Variants in ALLC observed in about 807,000 individuals in gnomAD.
ALLC encodes allantoicase.
ALLC carries 40 observed loss-of-function variants against 45.0 expected under a neutral mutation model. The ratio of observed to expected loss-of-function variants is 0.89; its 90% confidence interval spans 0.69 to 1.16. ALLC has a LOEUF of 1.16. Ranked by LOEUF, ALLC falls within the 50% of genes most tolerant of loss-of-function variation. The pLI is 0.00. For synonymous variants in ALLC, 176 were observed against 178.1 expected, an observed-to-expected ratio of 0.99 and a Z score of 0.09; for missense variants, 488 against 493.1, an observed-to-expected ratio of 0.99 and a Z score of 0.10.
At chr2:3,647,203 C>T in the ALLC span, among the ~76,000 whole-genome samples, 1 of 152,112 alleles carries the variant, frequency 6.6e-6, no homozygotes, top group African/African-American at 2.4e-5. Flanking sequence ...ATGTTCAACG[C>T]GACACACACA....
intron 1 of ALLC, among the ~76,000 whole-genome samples, chr2:3,662,910 G>T (rs550903749): frequency 5.9e-5 from 9 of 152,164 alleles, no homozygotes; most frequent in African/African-American, 1.9e-4. Flanking sequence ...ATTACTGGGG[G>T]GCCTGGCAAT....
rs753639446 is a variant in ALLC at position 3,683,039 on chromosome 2, A to C, written c.476A>C (p.Gln159Pro). 1.9e-6 allele frequency: 3 copies of C among 1,613,920 alleles called. No homozygotes were observed. The highest frequency in any genetic ancestry group is 2.5e-6 in the Non-Finnish European group (3 of 1,179,886). ...AACTATTTTCTTGTCAATTCCCAGC[A>C]GAGATGGACTCATATCAGACTCAAC... ...GHNYFLVNSQ[Q>P]RWTHIRLNIF... is the part of the protein sequence containing the mutation. The change falls in exon 7 of 12, where the codon CAG becomes CCG. Residue 159 changes from glutamine (Q) to proline (P), a missense_variant. Gln to Pro is a moderately conservative substitution (Grantham distance 76, BLOSUM62 -1). Transcript: ENST00000252505.
In ALLC at chr2:3,697,609, C is replaced by CTCTGTCTGTCTGTCTG. The variant is rs757923260; in HGVS notation, c.850+168_850+169insGTCTGTCTGTCTGTCT. ...GAGCATGCTACTTTAACCCTTAGAA[C>CTCTGTCTGTCTGTCTG]TCTGTCTGTCTGTCTATCTATCTAT... On this transcript the variant is annotated intron_variant, in intron 10 of 11. Coordinates refer to ENST00000252505, the MANE Select transcript of ALLC (RefSeq NM_018436.4). Among the ~76,000 whole-genome samples the CTCTGTCTGTCTGTCTG allele has an allele frequency of 5.8e-3, 856 of 146,986 alleles. 7 individuals carry two copies. The highest frequency in any genetic ancestry group is 0.02 in the African/African-American group (775 of 38,642).
rs189959430 is a variant in ALLC at position 3,674,288 on chromosome 2, A to C, written c.84+163A>C. On this transcript the variant is annotated intron_variant, in intron 3 of 11. Transcript: ENST00000252505. ...AAGACATGCAAATCAGCATGAACTC[A>C]TGCCAAAACATAGCAGAGACAGGGA... Among the ~76,000 whole-genome samples, 5 of 152,382 alleles carry C rather than the reference A, an allele frequency of 3.3e-5. No homozygotes were observed. In the East Asian group the frequency reaches 9.6e-4, roughly 29 times the overall value.
chr2:3,697,582 T>C, intron 10 of ALLC, 126 bp downstream of exon 10: 1 of 671,100 alleles, frequency 1.5e-6, no homozygotes, highest in South Asian at 1.9e-5. Context: ...CTGTGTAATT[T>C]TGAGCATGCT....
chr2:3,667,947 T>C (rs145599360), intron 1 of ALLC, among the ~76,000 whole-genome samples: 1 of 152,298 alleles, frequency 6.6e-6, no homozygotes, highest in African/African-American at 2.4e-5. Context: ...GTATATTCAG[T>C]AGAGATGGGG....
intron 1 of ALLC, among the ~76,000 whole-genome samples, chr2:3,664,560 C>T (rs1666648081): frequency 6.6e-6 from 1 of 151,964 alleles, no homozygotes; most frequent in South Asian, 2.1e-4. Flanking sequence ...AATTTTTCAC[C>T]CCAAGTTAAA....
At position 3,699,609 on chromosome 2, in the gene ALLC, A is replaced by G. The variant is rs561344968; in HGVS notation, c.851-1903A>G. 5.5e-4 allele frequency among the ~76,000 whole-genome samples: 84 copies of G among 152,154 alleles called. 1 individual carries two copies. Among genetic ancestry groups the G allele is most frequent in the Admixed American group, 1.1e-3 (17 of 15,286 alleles). Reference sequence around the variant, plus strand: ...TTCCACAATGGCTGAACTAATTTACACTCCCACCAGCAGGGTATATATGTT... The same window carrying G: ...TTCCACAATGGCTGAACTAATTTACGCTCCCACCAGCAGGGTATATATGTT... On this transcript the variant is annotated intron_variant, in intron 10 of 11. Transcript: ENST00000252505.
chr2:3,690,105 T>C (rs1390967460), intron 7 of ALLC, among the ~76,000 whole-genome samples: 2 of 149,208 alleles, frequency 1.3e-5, no homozygotes, highest in East Asian at 2.0e-4. Flanking sequence ...GGGTTTCTTG[T>C]AGGCAGCATA....
In ALLC at chr2:3,683,714, T is replaced by C. The variant is rs1425378282; in HGVS notation, c.511+640T>C. ...TTCAAGATTCATCCATGTTGTAACA[T>C]GTATTAACACTTTCTTTCTTTTTGT... is the stretch of plus-strand genomic sequence containing the variant. On this transcript the variant is annotated intron_variant, in intron 7 of 11. Transcript: ENST00000252505. Among the ~76,000 whole-genome samples the C allele has an allele frequency of 6.6e-5, 10 of 152,354 alleles. No individual in the cohort carries two copies. The South Asian group carries it at 2.1e-3, about 32-fold the overall frequency.
At chr2:3,652,655 T>C in the ALLC span, among the ~76,000 whole-genome samples, 1 of 147,776 alleles carries the variant, frequency 6.8e-6, no homozygotes, top group African/African-American at 2.5e-5. Flanking sequence ...AGTGGCGTGA[T>C]CTCGGCTCAC....
At chr2:3,655,850 C>T (rs1666425727), upstream of ALLC, among the ~76,000 whole-genome samples, 1 of 152,242 alleles carries the variant, frequency 6.6e-6, no homozygotes, top group African/African-American at 2.4e-5. Context: ...TAAGACAAGC[C>T]TCGAGCATTG....
intron 11 of ALLC, among the ~76,000 whole-genome samples, chr2:3,702,089 T>G (rs984042481): frequency 3.9e-5 from 6 of 152,272 alleles, no homozygotes; most frequent in East Asian, 3.9e-4. Flanking sequence ...CATTTTCTTA[T>G]CAATTTGCTT....
At chr2:3,682,873 AG>A in intron 6 of ALLC, 68 bp from the exon 7 acceptor site, 1 of 1,518,726 alleles carries the variant, frequency 6.6e-7, no homozygotes, top group Non-Finnish European at 9.0e-7. Context: ...TAAGTGCCAC[AG>A]AGGCAATAGG....
Position 3,678,493 on chromosome 2 carries a change from A to C in ALLC, c.110A>C (p.His37Pro), listed in dbSNP as rs115017990. 4.0e-3 allele frequency: 6,471 copies of C among 1,614,034 alleles called. 16 individuals carry two copies. The highest frequency in any genetic ancestry group is 5.1e-3 in the Admixed American group (304 of 60,036). ...IKSDSPCFKE[H>P]EYTEFGKWMD... ...AGTGACAGCCCGTGCTTCAAAGAGC[A>C]TGAATATACGGAGTTTGGGAAATGG... The change falls in exon 4 of 12, where the codon CAT (histidine) becomes CCT (proline). Residue 37 changes from histidine to proline, a missense_variant. His to Pro is a moderately conservative substitution (Grantham distance 77). Coordinates refer to ENST00000252505, the MANE Select transcript of ALLC (RefSeq NM_018436.4).
At chr2:3,682,378 A>G (rs1218989777) in intron 6 of ALLC, among the ~76,000 whole-genome samples, 1 of 152,144 alleles carries the variant, frequency 6.6e-6, no homozygotes, top group Non-Finnish European at 1.5e-5. Context: ...CTTGTCCTTC[A>G]TTTGCAAGCA....
chr2:3,695,934 C>A, intron 8 of ALLC, 62 bp downstream of exon 8: 1 of 1,481,326 alleles, frequency 6.8e-7, no homozygotes, highest in Non-Finnish European at 9.1e-7. Flanking sequence ...TTAAATACCC[C>A]AATATGGTCA....
At chr2:3,656,948 G>A (rs569465154), upstream of ALLC, among the ~76,000 whole-genome samples, 63 of 152,320 alleles carry the variant, frequency 4.1e-4, no homozygotes, top group Admixed American at 1.5e-3. Flanking sequence ...TCCGCACCGT[G>A]AGCTTTGTGA....
upstream of ALLC, among the ~76,000 whole-genome samples, chr2:3,657,947 G>A (rs1417816755): frequency 2.6e-5 from 4 of 152,230 alleles, no homozygotes; most frequent in African/African-American, 4.8e-5. Flanking sequence ...GTTACTGGCC[G>A]GACCAGGAAG....
Sources: gnomAD v4.1 joint callset for allele counts (sites outside exome capture counted in the v4.1 genomes callset) on GRCh38, gnomAD v4.1.1 for gene constraint, MANE v1.5 for transcripts, NCBI Gene and HGNC (gene_info 2026-07-23, HGNC 2026-07-21) for gene names.